The following RGS7 variants were observed in gnomAD, a reference collection of about 807,000 sequenced individuals.
RGS7 encodes regulator of G protein signaling 7, also known as regulator of G-protein signaling 7.
RGS7 carries 27 observed loss-of-function variants against 81.1 expected under a neutral mutation model. The observed-to-expected ratio is 0.33, with a 90% CI of 0.25 to 0.46. The LOEUF (loss-of-function observed/expected upper bound fraction) is 0.46. Ranked by LOEUF, RGS7 falls within the 20% of genes least tolerant of loss-of-function variation. The pLI is 1.00. For synonymous variants in RGS7, 208 were observed against 207.7 expected (o/e 1.00, Z -0.01); for missense variants, 396 against 607.4 (o/e 0.65, Z 3.66).
At chr1:240,976,069 C>A (rs1193439879) in intron 4 of RGS7, among the ~76,000 whole-genome samples, 1 of 152,160 alleles carries the variant, frequency 6.6e-6, no homozygotes, top group African/African-American at 2.4e-5. Flanking sequence ...GGCTGAAGGG[C>A]AAGAGAATGA....
In RGS7 at chr1:240,802,901, TA is replaced by T; in HGVS notation, c.1359+2del. The T allele has an allele frequency of 6.3e-7, 1 of 1,595,074 alleles. No homozygotes were observed. The highest frequency in any genetic ancestry group is 8.6e-7 in the Non-Finnish European group (1 of 1,162,932). ...GAAAAAACAACTCACAAAAAACCAG[TA>T]CCTTTTTCTTTGCCTGTAGAAGCTC... On this transcript the variant is annotated splice_donor_variant, in intron 16 of 18. Coordinates refer to ENST00000440928, the MANE Select transcript of RGS7 (RefSeq NM_001364886.1). LOFTEE classifies it high-confidence loss of function.
At chr1:241,157,444 T>C (rs1247610591) in intron 2 of RGS7, among the ~76,000 whole-genome samples, 1 of 152,238 alleles carries the variant, frequency 6.6e-6, no homozygotes, top group Non-Finnish European at 1.5e-5. Context: ...GTTCGCTCCC[T>C]GTGGTCAACC....
At chr1:241,306,423 A>G (rs1327562196) in intron 2 of RGS7, among the ~76,000 whole-genome samples, 1 of 147,696 alleles carries the variant, frequency 6.8e-6, no homozygotes, top group Non-Finnish European at 1.5e-5. Context: ...ACACACGTCC[A>G]TACACCCTTT....
At chr1:241,151,283 C>T (rs910572827) in intron 2 of RGS7, among the ~76,000 whole-genome samples, 5 of 152,120 alleles carry the variant, frequency 3.3e-5, no homozygotes, top group Non-Finnish European at 5.9e-5. Flanking sequence ...GAGACGGTAG[C>T]GGATACGCAG....
intron 2 of RGS7, among the ~76,000 whole-genome samples, chr1:241,104,650 C>T (rs1361807044): frequency 2.0e-5 from 3 of 152,142 alleles, no homozygotes; most frequent in Admixed American, 6.5e-5. Context: ...AACTGATTCA[C>T]TATGCGTGAT....
rs750723470 is a variant in RGS7 at position 241,098,703 on chromosome 1, G to C, written c.138C>G (p.Val46=). ...DEKNGIPIRT[V]KSFLSKIPSV... The stretch of plus-strand genomic sequence containing the variant: ...TAGGTATCTTGGAAAGAAAGCTTTT[G>C]ACCGTACGAATAGGAATTCCATTTT... The change falls in exon 3 of 19, where the codon GTC becomes GTG. Residue 46 remains valine, a synonymous_variant. Coordinates refer to ENST00000440928, the MANE Select transcript of RGS7 (RefSeq NM_001364886.1). 4 of 1,613,608 alleles carry C rather than the reference G, an allele frequency of 2.5e-6. No individual in the cohort carries two copies. Among genetic ancestry groups the C allele is most frequent in the Non-Finnish European group, 3.4e-6 (4 of 1,179,760 alleles).
At chr1:240,858,562 T>C (rs1450163060) in intron 9 of RGS7, among the ~76,000 whole-genome samples, 4 of 152,180 alleles carry the variant, frequency 2.6e-5, no homozygotes, top group Non-Finnish European at 5.9e-5. Flanking sequence ...CCATTTTTAA[T>C]TGGCTGTTTT....
intron 2 of RGS7, among the ~76,000 whole-genome samples, chr1:241,212,045 A>G (rs2074271527): frequency 6.6e-6 from 1 of 151,728 alleles, no homozygotes; most frequent in Non-Finnish European, 1.5e-5. Flanking sequence ...AATGATTATT[A>G]TTCAATTATT....
chr1:240,829,814 C>CT (rs554545266), intron 9 of RGS7, among the ~76,000 whole-genome samples: 421 of 151,784 alleles, frequency 2.8e-3, no homozygotes, highest in Non-Finnish European at 4.4e-3. Context: ...CTTTCTTTTT[C>CT]TTTTTTTTAA....
chr1:241,124,127 C>A (rs969245294), intron 2 of RGS7, among the ~76,000 whole-genome samples: 1 of 152,006 alleles, frequency 6.6e-6, no homozygotes, highest in African/African-American at 2.4e-5. Flanking sequence ...GGCATGGTAG[C>A]TCAAGCCTCT....
At chr1:241,014,646 C>T (rs1473104928) in intron 3 of RGS7, among the ~76,000 whole-genome samples, 4 of 152,128 alleles carry the variant, frequency 2.6e-5, no homozygotes, top group Non-Finnish European at 5.9e-5. Context: ...ATGGAAACTG[C>T]TCAACTCATT....
intron 2 of RGS7, among the ~76,000 whole-genome samples, chr1:241,245,661 G>A (rs1284263150): frequency 6.7e-6 from 1 of 150,338 alleles, no homozygotes; most frequent in Non-Finnish European, 1.5e-5. Context: ...ACAAAAATTA[G>A]CCAGGCGTAG....
At chr1:241,233,984 C>T (rs1406754577) in intron 2 of RGS7, among the ~76,000 whole-genome samples, 1 of 152,010 alleles carries the variant, frequency 6.6e-6, no homozygotes, top group Admixed American at 6.6e-5. Flanking sequence ...ATTTGCATTT[C>T]TTTAATCGTG....
chr1:241,356,648 C>T (rs1020617780), intron 1 of RGS7, among the ~76,000 whole-genome samples: 1 of 152,050 alleles, frequency 6.6e-6, no homozygotes, highest in Admixed American at 6.5e-5. Flanking sequence ...CTCGCTCTCA[C>T]GGCAGCAGCA....
At chr1:241,233,134 T>C (rs762898387) in intron 2 of RGS7, among the ~76,000 whole-genome samples, 205 of 152,324 alleles carry the variant, frequency 1.3e-3, no homozygotes, top group Non-Finnish European at 2.3e-3. Flanking sequence ...AATTGATACA[T>C]GTTAGATGTC....
At chr1:241,105,874 T>C (rs1039400446) in intron 2 of RGS7, among the ~76,000 whole-genome samples, 3 of 152,194 alleles carry the variant, frequency 2.0e-5, no homozygotes, top group South Asian at 2.1e-4. Flanking sequence ...TTTGGAGATA[T>C]AAATGGGAGA....
In RGS7 at chr1:241,207,189, A is replaced by C. The variant is rs369282201; in HGVS notation, c.79-108427T>G. Among the ~76,000 whole-genome samples the C allele has an allele frequency of 1.1e-4, 16 of 150,384 alleles. No individual in the cohort carries two copies. The East Asian group carries it at 1.4e-3, about 13-fold the overall frequency. ...TCACCGTGTTAGCCAGGTTGGTCTCAATCTCCCGACCTCGTGATCTGCCCG... is the reference window on the plus strand; with the variant it reads ...TCACCGTGTTAGCCAGGTTGGTCTCCATCTCCCGACCTCGTGATCTGCCCG... On this transcript the variant is annotated intron_variant, in intron 2 of 18. Coordinates refer to ENST00000440928, the MANE Select transcript of RGS7 (RefSeq NM_001364886.1).
intron 4 of RGS7, among the ~76,000 whole-genome samples, chr1:240,981,761 G>A (rs953538721): frequency 6.6e-6 from 1 of 152,160 alleles, no homozygotes; most frequent in African/African-American, 2.4e-5. Context: ...TGAGCTGGGG[G>A]TGTACACAGG....
At chr1:241,281,638 A>C (rs1311058559) in intron 2 of RGS7, among the ~76,000 whole-genome samples, 1 of 152,234 alleles carries the variant, frequency 6.6e-6, no homozygotes, top group East Asian at 1.9e-4. Flanking sequence ...CAGACAATTC[A>C]TCTTGTAAAC....
Sources: allele counts gnomAD v4.1 joint callset (sites outside exome capture counted in the v4.1 genomes callset), GRCh38; gene constraint gnomAD v4.1.1; transcripts MANE v1.5; gene names NCBI Gene and HGNC (gene_info 2026-07-23, HGNC 2026-07-21).